RAPGEF6: variants seen among roughly 807,000 people sequenced by gnomAD.
RAPGEF6 encodes the protein PDZ domain containing guanine nucleotide exchange factor (GEF) 2.
In RAPGEF6, 56 loss-of-function variants were observed where a neutral mutation model predicts 171.4. The ratio of observed to expected loss-of-function variants is 0.33; its 90% CI spans 0.26 to 0.41. The LOEUF (loss-of-function observed/expected upper bound fraction) is 0.41, where lower values mean the gene tolerates loss of function less well. Ranked by LOEUF, RAPGEF6 falls within the 10% of genes least tolerant of loss-of-function variation. The pLI is 1.00. For missense variants in RAPGEF6, 1,674 were observed against 1,921.4 expected, an observed-to-expected ratio of 0.87 and a Z score of 2.41; for synonymous variants, 692 against 650.1, an observed-to-expected ratio of 1.06 and a Z score of -0.98.
intron 16 of RAPGEF6, among the ~76,000 whole-genome samples, chr5:131,477,674 G>A (rs1047476070): frequency 1.3e-5 from 2 of 152,182 alleles, no homozygotes; most frequent in African/African-American, 4.8e-5. Flanking sequence ...TACAGCTGGT[G>A]AGAATGTGAT....
chr5:131,623,064 C>T (rs1765685513), intron 1 of RAPGEF6, among the ~76,000 whole-genome samples: 1 of 152,030 alleles, frequency 6.6e-6, no homozygotes, highest in Non-Finnish European at 1.5e-5. Context: ...AGTTCTAAAA[C>T]AAAACAAAAC....
In RAPGEF6 at chr5:131,492,685, T is replaced by C. The variant is rs766613593; in HGVS notation, c.1628A>G (p.Gln543Arg). The change falls in exon 14 of 28, where the codon CAA becomes CGA. Residue 543 changes from glutamine (Q) to arginine (R), a missense_variant. Around this residue, in one of 3 missense-constraint regions of RAPGEF6, gnomAD observed 1,116 missense variants for 1,321.5 expected, o/e 0.84. Coordinates refer to ENST00000509018, the MANE Select transcript of RAPGEF6 (RefSeq NM_016340.6). ...LQKASRESPL[Q>R]FSLNGGSEKG... ...CTCACTCCCTCCATTAAGGCTGAAT[T>C]GTAGAGGGGACTCGCGGGAAGCCTT... 2.5e-6 allele frequency: 4 copies of C among 1,614,016 alleles called. No individual in the cohort carries two copies. The African/African-American group carries it at 5.3e-5, about 22-fold the overall frequency.
intron 15 of RAPGEF6, among the ~76,000 whole-genome samples, chr5:131,483,381 C>T (rs1755630828): frequency 6.6e-6 from 1 of 150,564 alleles, no homozygotes; most frequent in Non-Finnish European, 1.5e-5. Context: ...AATTTCTCCA[C>T]TGGACATGAG....
chr5:131,628,173 AC>A (rs1766064728), intron 1 of RAPGEF6, among the ~76,000 whole-genome samples: 1 of 152,242 alleles, frequency 6.6e-6, no homozygotes, highest in Admixed American at 6.5e-5. Flanking sequence ...AGGAAGGCTA[AC>A]AACGGCCCAA....
At chr5:131,493,692 C>T (rs1286987502) in intron 13 of RAPGEF6, among the ~76,000 whole-genome samples, 1 of 151,420 alleles carries the variant, frequency 6.6e-6, no homozygotes, top group Non-Finnish European at 1.5e-5. Flanking sequence ...TTTTTTAAAG[C>T]AGACACCAAG....
At chr5:131,537,856 G>A (rs892968857) in intron 6 of RAPGEF6, among the ~76,000 whole-genome samples, 1 of 152,068 alleles carries the variant, frequency 6.6e-6, no homozygotes, top group African/African-American at 2.4e-5. Flanking sequence ...CAGTTTGGGA[G>A]GCCGAGGCAG....
At chr5:131,483,335 T>C (rs1227245886) in intron 15 of RAPGEF6, among the ~76,000 whole-genome samples, 144 of 111,452 alleles carry the variant, frequency 1.3e-3, no homozygotes, top group African/African-American at 5.1e-3. Context: ...GGCAACAGAG[T>C]AAGACTCTGT....
At chr5:131,528,352 C>CAT (rs1348113937) in intron 6 of RAPGEF6, among the ~76,000 whole-genome samples, 2 of 76,478 alleles carry the variant, frequency 2.6e-5, no homozygotes, top group Admixed American at 3.0e-4. Flanking sequence ...CACACACACA[C>CAT]ATATATATAT....
chr5:131,437,555 G>A (rs770357299), intron 24 of RAPGEF6, among the ~76,000 whole-genome samples: 3 of 152,220 alleles, frequency 2.0e-5, no homozygotes, highest in African/African-American at 7.2e-5. Context: ...GCAAGATCTG[G>A]TAAGGGGCGC....
In RAPGEF6 at chr5:131,453,111, C is replaced by A; in HGVS notation, c.3143G>T (p.Arg1048Leu). ...AGCAGAAGTCATTCGAACAACTTGG[C>A]GGATTTCCTTGGAAATCATTCTTAA... ...EKLRMISKEIRQVVRMTSANM... is the reference protein window; with the variant it reads ...EKLRMISKEILQVVRMTSANM... Residue 1048 changes from arginine (R) to leucine (L), a missense_variant, in exon 21 of 28, where the codon CGC becomes CTC. This residue lies in a region of RAPGEF6 where 1,116 missense variants were observed against 1,321.5 expected (regional missense o/e 0.84). Transcript: ENST00000509018. 2 of 1,613,684 alleles carry A rather than the reference C, an allele frequency of 1.2e-6. No homozygotes were observed. The highest frequency in any genetic ancestry group is 8.5e-7 in the Non-Finnish European group (1 of 1,179,784).
intron 12 of RAPGEF6, 33 bp from the exon 13 acceptor site, chr5:131,495,693 A>G (rs370408208): frequency 1.1e-5 from 18 of 1,592,264 alleles, no homozygotes; most frequent in African/African-American, 4.0e-5. Context: ...GCATATGGTT[A>G]TAAGAGGCAT....
At chr5:131,478,595 C>T (rs549259177) in intron 16 of RAPGEF6, among the ~76,000 whole-genome samples, 182 of 152,350 alleles carry the variant, frequency 1.2e-3, no homozygotes, top group African/African-American at 4.3e-3. Flanking sequence ...CAACCTGTAA[C>T]ATGAGAACTT....
intron 15 of RAPGEF6, among the ~76,000 whole-genome samples, chr5:131,484,535 T>A (rs1580897768): frequency 6.6e-6 from 1 of 152,140 alleles, no homozygotes; most frequent in South Asian, 2.1e-4. Flanking sequence ...TATACACTGA[T>A]GAATGAAGCA....
At chr5:131,428,762 G>A (rs545414073) in intron 27 of RAPGEF6, 140 bp downstream of exon 27, 13 of 960,274 alleles carry the variant, frequency 1.4e-5, no homozygotes, top group South Asian at 3.5e-5. Flanking sequence ...GCACCCTGCC[G>A]GCAGGAACTT....
chr5:131,615,289 G>A (rs1357194077), intron 1 of RAPGEF6, among the ~76,000 whole-genome samples: 1 of 152,202 alleles, frequency 6.6e-6, no homozygotes, highest in African/African-American at 2.4e-5. Flanking sequence ...GTAGTGGTGA[G>A]CTGATTAATT....
chr5:131,489,016 C>T (rs1045800156), intron 15 of RAPGEF6, among the ~76,000 whole-genome samples: 13 of 152,158 alleles, frequency 8.5e-5, no homozygotes, highest in Non-Finnish European at 1.8e-4. Flanking sequence ...AAAAACACAA[C>T]AGAGGCACTG....
intron 3 of RAPGEF6, among the ~76,000 whole-genome samples, chr5:131,593,233 C>T (rs1257396436): frequency 6.6e-6 from 1 of 151,872 alleles, no homozygotes; most frequent in Non-Finnish European, 1.5e-5. Context: ...TTTTCCAAAT[C>T]AATATAGGAA....
rs538650094 is a variant in RAPGEF6 at position 131,635,186 on chromosome 5, C to T, written c.-156G>A. The T allele has an allele frequency of 8.2e-6, 6 of 731,006 alleles. No individual in the cohort carries two copies. Among genetic ancestry groups the T allele is most frequent in the East Asian group, 2.9e-5 (1 of 34,596 alleles). 45.3% of individuals were successfully genotyped at this position (731,006 alleles called of 1,614,324 possible). ...CTAGCAAACAACCCTTCGCAACGCC[C>T]GCCTAAGGCCTCTACCCACGCGCGA... On this transcript the variant is annotated 5_prime_UTR_variant, in exon 1 of 28. Coordinates refer to ENST00000509018, the MANE Select transcript of RAPGEF6 (RefSeq NM_016340.6).
chr5:131,502,644 A>C (rs1238526309), intron 11 of RAPGEF6, among the ~76,000 whole-genome samples: 1 of 152,226 alleles, frequency 6.6e-6, no homozygotes, highest in Non-Finnish European at 1.5e-5. Flanking sequence ...ACTGCTAAGG[A>C]TATTAACAAC....
Sources: gnomAD v4.1 joint callset for allele counts (sites outside exome capture counted in the v4.1 genomes callset) on GRCh38, gnomAD v4.1.1 for gene constraint, gnomAD v4.1.1 regional missense constraint, MANE v1.5 for transcripts, NCBI Gene and HGNC (gene_info 2026-07-23, HGNC 2026-07-21) for gene names.